Variants in OBI1 observed in about 807,000 individuals in gnomAD.
OBI1 encodes ORC ubiquitin ligase 1, also known as ring finger protein 219.
OBI1 carries 59 observed loss-of-function variants against 62.4 expected under a neutral mutation model. The observed-to-expected ratio is 0.95, with a 90% CI of 0.77 to 1.17. OBI1 has a LOEUF of 1.17. OBI1 is among the 50% of genes most tolerant of loss of function. The pLI is 0.00. For synonymous variants in OBI1, 302 were observed against 292.8 expected, an observed-to-expected ratio of 1.03 and a Z score of -0.32; for missense variants, 875 against 830.9, an observed-to-expected ratio of 1.05 and a Z score of -0.65.
intron 5 of OBI1, among the ~76,000 whole-genome samples, chr13:78,633,625 T>A (rs943585188): frequency 2.0e-5 from 3 of 152,176 alleles, no homozygotes; most frequent in Non-Finnish European, 2.9e-5. Context: ...TGTCATCTTT[T>A]TTTTCTGGAA....
At chr13:78,618,090 C>A (rs1004814871) in intron 5 of OBI1, among the ~76,000 whole-genome samples, 2 of 152,030 alleles carry the variant, frequency 1.3e-5, no homozygotes, top group African/African-American at 4.8e-5. Context: ...AAAATATCTA[C>A]CTTAAATTCA....
At chr13:78,626,923 G>C (rs184321708) in intron 5 of OBI1, among the ~76,000 whole-genome samples, 1 of 151,990 alleles carries the variant, frequency 6.6e-6, no homozygotes, top group South Asian at 2.1e-4. Flanking sequence ...AAAATTAGCC[G>C]GGCATGGTGG....
At chr13:78,635,488 T>C (rs777804103) in intron 4 of OBI1, among the ~76,000 whole-genome samples, 1 of 152,208 alleles carries the variant, frequency 6.6e-6, no homozygotes, top group East Asian at 1.9e-4. Context: ...TAATGGCAAA[T>C]GTATGTGTGA....
chr13:78,632,564 T>C (rs944555967), intron 5 of OBI1, among the ~76,000 whole-genome samples: 5 of 152,260 alleles, frequency 3.3e-5, no homozygotes, highest in Admixed American at 2.0e-4. Flanking sequence ...AGAAAAATAG[T>C]TAGTCAAGGC....
chr13:78,618,231 T>C (rs1269879643), intron 5 of OBI1, among the ~76,000 whole-genome samples: 1 of 152,150 alleles, frequency 6.6e-6, no homozygotes, highest in Non-Finnish European at 1.5e-5. Context: ...TTTTTGATGA[T>C]TTATATATTG....
In OBI1 at chr13:78,659,039, CACCCATT is replaced by C. The variant is rs749790223; in HGVS notation, c.72+3_72+9del. 1.2e-5 allele frequency: 20 copies of C among 1,611,500 alleles called. No homozygotes were observed. Among genetic ancestry groups the C allele is most frequent in the African/African-American group, 2.7e-5 (2 of 74,864 alleles). ...CCCGTTTTGTAGCTGTGCCCACAAT[CACCCATT>C]ACCTTCCCCAAGCAAATGTGGCACG... On this transcript the variant is annotated splice_donor_5th_base_variant and intron_variant, in intron 1 of 5. Transcript: ENST00000282003.
rs1253571974 is a variant in OBI1, at chr13:78,638,933, C to T, written c.439G>A (p.Asp147Asn). Residue 147 changes from aspartate (D) to asparagine (N), a missense_variant, in exon 4 of 6, where the codon GAT becomes AAT. Coordinates refer to ENST00000282003, the MANE Select transcript of OBI1 (RefSeq NM_024546.4). Reference sequence around the variant, plus strand: ...TCTGGGTTAATTTTACTTGGATTATCTGTGACTAGATGTTTGTCTTCATTT... The same window carrying T: ...TCTGGGTTAATTTTACTTGGATTATTTGTGACTAGATGTTTGTCTTCATTT... ...NQNEDKHLVT[D>N]NPSKINPETV... 6.2e-7 allele frequency: 1 copy of T among 1,613,992 alleles called. No homozygotes were observed. Among genetic ancestry groups the T allele is most frequent in the Non-Finnish European group, 8.5e-7 (1 of 1,179,960 alleles).
Position 78,615,258 on chromosome 13 carries a change from C to A in OBI1, c.*322G>T, listed in dbSNP as rs1351586810. The A allele has an allele frequency of 9.6e-6, 2 of 208,830 alleles. No individual in the cohort carries two copies. Among genetic ancestry groups the A allele is most frequent in the Admixed American group, 5.4e-5 (1 of 18,660 alleles). 12.9% of individuals were successfully genotyped at this position (208,830 alleles called of 1,614,324 possible). ...CATTTTTTAAAAAAACAATGTATAT[C>A]CAACCGAGATACATATCAAATTCAG... On this transcript the variant is annotated 3_prime_UTR_variant, in exon 6 of 6. Transcript: ENST00000282003.
intron 1 of OBI1, among the ~76,000 whole-genome samples, chr13:78,656,629 G>T (rs574545876): frequency 6.2e-5 from 9 of 144,694 alleles, no homozygotes; most frequent in African/African-American, 2.3e-4. Flanking sequence ...ACTTGTAAAA[G>T]GTTGTATGAG....
In OBI1 at chr13:78,644,810, T is replaced by C. The variant is rs1876332540; in HGVS notation, c.208+52A>G. 4 of 1,563,994 alleles carry C rather than the reference T, an allele frequency of 2.6e-6. No homozygotes were observed. In the Admixed American group the frequency reaches 6.8e-5, roughly 26 times the overall value. Reference sequence around the variant, plus strand: ...TCAGTCTTCCTCGAAATATAAATTATTTGGAGATTGTTTCAAACCTATTCC... The same window carrying C: ...TCAGTCTTCCTCGAAATATAAATTACTTGGAGATTGTTTCAAACCTATTCC... On this transcript the variant is annotated intron_variant, in intron 2 of 5. Transcript: ENST00000282003.
chr13:78,634,463 T>G (rs1875961271), intron 5 of OBI1, among the ~76,000 whole-genome samples: 2 of 151,902 alleles, frequency 1.3e-5, no homozygotes, highest in South Asian at 4.2e-4. Context: ...CACAGCTAAC[T>G]TTTTTGTATT....
chr13:78,619,606 G>A (rs964606999), intron 5 of OBI1, among the ~76,000 whole-genome samples: 3 of 151,984 alleles, frequency 2.0e-5, no homozygotes, highest in African/African-American at 4.8e-5. Flanking sequence ...TGCTAATAAG[G>A]GACCTGTGCT....
At chr13:78,656,792 ATTTTTTTTT>A (rs869148028) in intron 1 of OBI1, among the ~76,000 whole-genome samples, 1 of 67,196 alleles carries the variant, frequency 1.5e-5, no homozygotes, top group South Asian at 5.8e-4. Context: ...TTTATTTTTA[ATTTTTTTTT>A]TTTTTTTTTT....
intron 1 of OBI1, among the ~76,000 whole-genome samples, chr13:78,651,296 AATG>A (rs1876535201): frequency 6.6e-6 from 1 of 152,182 alleles, no homozygotes; most frequent in Admixed American, 6.5e-5. Context: ...CATCTTTCAC[AATG>A]ATGCCAGAGC....
At chr13:78,651,883 A>G (rs1489464770) in intron 1 of OBI1, among the ~76,000 whole-genome samples, 1 of 152,208 alleles carries the variant, frequency 6.6e-6, no homozygotes, top group Non-Finnish European at 1.5e-5. Flanking sequence ...ATTTTGATGT[A>G]CTATAATGAA....
intron 1 of OBI1, among the ~76,000 whole-genome samples, chr13:78,655,446 A>G (rs969202027): frequency 5.9e-5 from 9 of 152,220 alleles, no homozygotes; most frequent in African/African-American, 2.2e-4. Flanking sequence ...TCTTACTTAC[A>G]ATATTGGCAA....
chr13:78,658,583 T>G (rs1374016676), intron 1 of OBI1, among the ~76,000 whole-genome samples: 1 of 152,132 alleles, frequency 6.6e-6, no homozygotes, highest in African/African-American at 2.4e-5. Context: ...TGGAAAAGAC[T>G]CAATACACAG....
chr13:78,658,986 C>A, intron 1 of OBI1, 63 bp downstream of exon 1: 1 of 1,483,522 alleles, frequency 6.7e-7, no homozygotes, highest in Non-Finnish European at 9.4e-7. Flanking sequence ...CGAGACGGCC[C>A]TCGGCCCCGG....
At position 78,614,828 on chromosome 13, in the gene OBI1, CAT is replaced by C. The variant is rs1003728188; in HGVS notation, c.*750_*751del. 1.8e-4 allele frequency: 27 copies of C among 152,210 alleles called. No individual in the cohort carries two copies. The highest frequency in any genetic ancestry group is 6.5e-4 in the African/African-American group (27 of 41,554). 9.4% of individuals were successfully genotyped at this position (152,210 alleles called of 1,614,324 possible). Reference sequence around the variant, plus strand: ...TATGCTAAATTTCTGATTTTACACACATACACACACACGCAGAGGAGAAAATG... The same window carrying C: ...TATGCTAAATTTCTGATTTTACACACACACACACACGCAGAGGAGAAAATG... On this transcript the variant is annotated 3_prime_UTR_variant, in exon 6 of 6. Coordinates refer to ENST00000282003, the MANE Select transcript of OBI1 (RefSeq NM_024546.4).
Sources: allele counts gnomAD v4.1 joint callset (sites outside exome capture counted in the v4.1 genomes callset), GRCh38; gene constraint gnomAD v4.1.1; transcripts MANE v1.5; gene names NCBI Gene and HGNC (gene_info 2026-07-23, HGNC 2026-07-21).